The following PRMT8 variants were observed in gnomAD, a reference collection of about 807,000 sequenced individuals.
PRMT8 encodes protein arginine methyltransferase 8.
PRMT8 carries 7 observed loss-of-function variants against 47.1 expected under a neutral mutation model. That is an observed-to-expected ratio of 0.15 (90% CI 0.08 to 0.28). The LOEUF (loss-of-function observed/expected upper bound fraction) is 0.28, where lower values mean the gene tolerates loss of function less well. Ranked by LOEUF, PRMT8 falls within the 10% of genes least tolerant of loss-of-function variation. PRMT8 has a pLI of 1.00. For synonymous variants in PRMT8, 188 were observed against 186.5 expected, an observed-to-expected ratio of 1.01 and a Z score of -0.07; for missense variants, 237 against 505.4, an observed-to-expected ratio of 0.47 and a Z score of 5.09.
At chr12:3,585,277 G>A (rs1029431175) in intron 8 of PRMT8, among the ~76,000 whole-genome samples, 1 of 151,226 alleles carries the variant, frequency 6.6e-6, no homozygotes, top group Admixed American at 6.6e-5. Context: ...AGGGGGAGTG[G>A]GAAGGTGAGT....
At chr12:3,530,635 G>C (rs1321126964) in intron 1 of PRMT8, among the ~76,000 whole-genome samples, 1 of 152,118 alleles carries the variant, frequency 6.6e-6, no homozygotes, top group Non-Finnish European at 1.5e-5. Context: ...GAGGACGAAG[G>C]GCAGAACCAA....
intron 1 of PRMT8, among the ~76,000 whole-genome samples, chr12:3,485,193 T>A (rs1865311113): frequency 6.6e-6 from 1 of 152,210 alleles, no homozygotes; most frequent in Non-Finnish European, 1.5e-5. Context: ...TAAAGACCTC[T>A]CGGAAAGAAT....
chr12:3,519,167 G>T (rs1227784488), intron 1 of PRMT8, among the ~76,000 whole-genome samples: 2 of 152,100 alleles, frequency 1.3e-5, no homozygotes, highest in Non-Finnish European at 2.9e-5. Flanking sequence ...GCACGGCTCA[G>T]CTCGTGGCCA....
At chr12:3,498,926 A>C (rs146882377) in intron 1 of PRMT8, among the ~76,000 whole-genome samples, 58 of 152,246 alleles carry the variant, frequency 3.8e-4, no homozygotes, top group African/African-American at 1.2e-3. Flanking sequence ...TGAAGTCTTC[A>C]TGGAGAATCT....
chr12:3,491,566 C>A lies in PRMT8; in HGVS notation c.-60C>A. 6.4e-7 allele frequency: 1 copy of A among 1,553,738 alleles called. No individual in the cohort carries two copies. The highest frequency in any genetic ancestry group is 2.3e-5 in the East Asian group (1 of 43,824). On this transcript the variant is annotated 5_prime_UTR_variant, in exon 1 of 10. Coordinates refer to ENST00000382622, the MANE Select transcript of PRMT8 (RefSeq NM_019854.5). Reference sequence around the variant, plus strand: ...CATCCTCTCGCTCTCTCTTTTAAAGCGACACCAGCTCTCTCTCCTCCTCTA... The same window carrying A: ...CATCCTCTCGCTCTCTCTTTTAAAGAGACACCAGCTCTCTCTCCTCCTCTA...
chr12:3,384,803 C>T (rs1417787980), intron 1 of PRMT8, among the ~76,000 whole-genome samples: 4 of 152,108 alleles, frequency 2.6e-5, no homozygotes, highest in African/African-American at 9.7e-5. Context: ...TACCAGGGGC[C>T]CTCCTGGTGT....
At chr12:3,586,367 C>T (rs889196134) in intron 8 of PRMT8, among the ~76,000 whole-genome samples, 1 of 152,210 alleles carries the variant, frequency 6.6e-6, no homozygotes, top group Non-Finnish European at 1.5e-5. Context: ...CACACCCCCA[C>T]CACAGTCCTA....
At chr12:3,484,963 C>T (rs1865308578) in intron 1 of PRMT8, among the ~76,000 whole-genome samples, 1 of 152,132 alleles carries the variant, frequency 6.6e-6, no homozygotes, top group Non-Finnish European at 1.5e-5. Context: ...GCAGGGGTGG[C>T]AGGCTGCTAT....
chr12:3,406,197 G>T (rs1176414187), intron 1 of PRMT8, among the ~76,000 whole-genome samples: 1 of 152,258 alleles, frequency 6.6e-6, no homozygotes, highest in Non-Finnish European at 1.5e-5. Flanking sequence ...TTTAGCCAAG[G>T]ATGGAGCAGC....
intron 1 of PRMT8, among the ~76,000 whole-genome samples, chr12:3,473,250 T>C (rs563223131): frequency 6.6e-6 from 1 of 152,116 alleles, no homozygotes; most frequent in Non-Finnish European, 1.5e-5. Flanking sequence ...ATGCAACCCC[T>C]TGGGCTGAAA....
In PRMT8 at chr12:3,492,158, C is replaced by T. The variant is rs900817895; in HGVS notation, c.75+458C>T. Among the ~76,000 whole-genome samples, 1 of 152,000 alleles carries T rather than the reference C, an allele frequency of 6.6e-6. No individual in the cohort carries two copies. The highest frequency in any genetic ancestry group is 1.5e-5 in the Non-Finnish European group (1 of 67,984). On this transcript the variant is annotated intron_variant, in intron 1 of 9. Coordinates refer to ENST00000382622, the MANE Select transcript of PRMT8 (RefSeq NM_019854.5). This position sits in a 1 kb window ranked among gnomAD's most constrained non-coding sequence, Gnocchi z 7.5. ...CCTTGACCGTCTCCTGCCGCTGCCT[C>T]AGCTTTACCCTTCAAGCTCGAGTCG...
At chr12:3,387,928 TA>T (rs1210497270) in intron 1 of PRMT8, among the ~76,000 whole-genome samples, 1 of 152,170 alleles carries the variant, frequency 6.6e-6, no homozygotes, top group Non-Finnish European at 1.5e-5. Flanking sequence ...TAAGATACAA[TA>T]ACCACACTCA....
At chr12:3,575,291 A>T (rs1866917877) in intron 6 of PRMT8, among the ~76,000 whole-genome samples, 1 of 152,252 alleles carries the variant, frequency 6.6e-6, no homozygotes, top group Non-Finnish European at 1.5e-5. Flanking sequence ...ACACAGGAAC[A>T]TACGTTCCCT....
intron 1 of PRMT8, among the ~76,000 whole-genome samples, chr12:3,465,171 ATT>A (rs1444554909): frequency 7.6e-5 from 11 of 143,856 alleles, no homozygotes; most frequent in African/African-American, 2.5e-4. Flanking sequence ...AAAAATATAT[ATT>A]TATATATATA....
At chr12:3,498,077 G>C (rs1362194787) in intron 1 of PRMT8, among the ~76,000 whole-genome samples, 8 of 152,214 alleles carry the variant, frequency 5.3e-5, no homozygotes, top group African/African-American at 1.2e-4. Flanking sequence ...ATAAGGTCTA[G>C]GAATTGTGCA....
chr12:3,563,361 G>A (rs1004337766), intron 4 of PRMT8, among the ~76,000 whole-genome samples: 4 of 151,892 alleles, frequency 2.6e-5, no homozygotes, highest in African/African-American at 7.3e-5. Flanking sequence ...ATGTTCTCGG[G>A]TGAGTGGGGG....
chr12:3,593,148 A>T lies in PRMT8; in HGVS notation c.1151A>T (p.Glu384Val). The T allele has an allele frequency of 1.2e-6, 2 of 1,614,154 alleles. No individual in the cohort carries two copies. Among genetic ancestry groups the T allele is most frequent in the Non-Finnish European group, 1.7e-6 (2 of 1,180,016 alleles). The part of the protein sequence containing the change: ...VDLDFKGQLC[E>V]TSVSNDYKMR ...TTGGATTTTAAGGGACAGCTGTGTG[A>T]AACATCTGTATCTAATGACTACAAA... The change falls in exon 10 of 10, where the codon GAA becomes GTA. Residue 384 changes from glutamate (E) to valine (V), a missense_variant. Physicochemically the swap from Glu to Val is moderately radical, Grantham distance 121 (BLOSUM62 -2). Coordinates refer to ENST00000382622, the MANE Select transcript of PRMT8 (RefSeq NM_019854.5). This position sits in a 1 kb window ranked among gnomAD's most constrained non-coding sequence, Gnocchi z 4.8.
chr12:3,536,475 G>A (rs1056937984), intron 1 of PRMT8, among the ~76,000 whole-genome samples: 1 of 152,234 alleles, frequency 6.6e-6, no homozygotes, highest in Non-Finnish European at 1.5e-5. Flanking sequence ...CTTGGAATCA[G>A]AGTTGAATGA....
chr12:3,561,735 C>T (rs994573952), intron 4 of PRMT8, among the ~76,000 whole-genome samples: 2 of 152,216 alleles, frequency 1.3e-5, no homozygotes, highest in African/African-American at 4.8e-5. Flanking sequence ...TGATATACTG[C>T]AAGCATGGGC....
Sources: gnomAD v4.1 joint callset for allele counts (sites outside exome capture counted in the v4.1 genomes callset) on GRCh38, gnomAD v4.1.1 for gene constraint, Gnocchi (gnomAD v3.1) non-coding constraint, MANE v1.5 for transcripts, NCBI Gene and HGNC (gene_info 2026-07-23, HGNC 2026-07-21) for gene names.